SATB2: variants seen among roughly 807,000 people sequenced by gnomAD.
The protein encoded by SATB2 is DNA-binding protein SATB2.
Under a neutral mutation model 73.4 loss-of-function variants are expected in SATB2, and 1 was observed. The observed-to-expected ratio is 0.01, with a 90% CI of 0.00 to 0.06. The LOEUF (loss-of-function observed/expected upper bound fraction) is 0.06, where lower values mean the gene tolerates loss of function less well. Among genes scored for constraint, SATB2 ranks in the 10% least tolerant of loss-of-function variants. The pLI is 1.00. For missense variants in SATB2, 459 were observed against 945.8 expected (o/e 0.49, Z 6.75); for synonymous variants, 397 against 367.0 (o/e 1.08, Z -0.93).
At chr2:199,307,648 C>T (rs1687473126) in intron 10 of SATB2, among the ~76,000 whole-genome samples, 1 of 152,104 alleles carries the variant, frequency 6.6e-6, no homozygotes, top group Admixed American at 6.5e-5. Context: ...AATGATAACA[C>T]AAAAGCATAG....
chr2:199,368,482 G>A, intron 6 of SATB2, 123 bp downstream of exon 6: 1 of 692,742 alleles, frequency 1.4e-6, no homozygotes, highest in Non-Finnish European at 2.6e-6. Context: ...GAATATTAAA[G>A]ATCTCACCTT....
In SATB2 at chr2:199,328,734, C is replaced by T. The variant is rs145967906; in HGVS notation, c.1350G>A (p.Ser450=). Residue 450 remains serine (S), a synonymous_variant, in exon 8 of 11, where the codon TCG becomes TCA. Coordinates refer to ENST00000417098, the MANE Select transcript of SATB2 (RefSeq NM_001172509.2). Reference sequence around the variant, plus strand: ...GGGAGGAGCTGGGACTGCTGGAGGCCGAGGAGACCATGCTCACATTGGGAT... The same window carrying T: ...GGGAGGAGCTGGGACTGCTGGAGGCTGAGGAGACCATGCTCACATTGGGAT... ...SMNPNVSMVS[S]ASSSPSSSRT... is the part of the protein sequence containing the mutation. The T allele has an allele frequency of 3.1e-6, 5 of 1,613,326 alleles. No individual in the cohort carries two copies. Among genetic ancestry groups the T allele is most frequent in the East Asian group, 4.5e-5 (2 of 44,860 alleles).
At position 199,455,763 on chromosome 2, in the gene SATB2, T is replaced by G; in HGVS notation, c.169+106A>C. On this transcript the variant is annotated intron_variant, in intron 2 of 10. Transcript: ENST00000417098. This position sits in a 1 kb window ranked among gnomAD's most constrained non-coding sequence, Gnocchi z 4.1. ...CATTATTTGGCAACCTGGAATTCAC[T>G]TCCTGTAATCCTACACCGCGACAGC... 2.3e-6 allele frequency: 3 copies of G among 1,297,798 alleles called. No individual in the cohort carries two copies. The highest frequency in any genetic ancestry group is 3.2e-6 in the Non-Finnish European group (3 of 936,300). 80.4% of individuals were successfully genotyped at this position (1,297,798 alleles called of 1,614,324 possible). A position where few individuals can be genotyped will look rare whatever the true frequency, so the allele number is the denominator to read the frequency against.
At chr2:199,314,118 A>T (rs1264818089) in intron 9 of SATB2, among the ~76,000 whole-genome samples, 1 of 152,054 alleles carries the variant, frequency 6.6e-6, no homozygotes, top group Admixed American at 6.6e-5. Context: ...CAACTTGATC[A>T]TTATTATTTT....
chr2:199,314,129 T>A (rs1356405713), intron 9 of SATB2, among the ~76,000 whole-genome samples: 1 of 152,160 alleles, frequency 6.6e-6, no homozygotes, highest in Non-Finnish European at 1.5e-5. Context: ...TTATTATTTT[T>A]AGGGGTGGGT....
Position 199,349,028 on chromosome 2 carries a change from G to T in SATB2, c.846C>A (p.Ile282=), listed in dbSNP as rs373578751. The change falls in exon 7 of 11, where the codon ATC becomes ATA. Residue 282 remains isoleucine (I), a synonymous_variant. Coordinates refer to ENST00000417098, the MANE Select transcript of SATB2 (RefSeq NM_001172509.2). ...PHSQIHHSTP[I]RNQVPALQPI... The stretch of plus-strand genomic sequence containing the variant: ...GCTGTAATGCGGGCACTTGGTTTCG[G>T]ATTGGAGTACTGTGGTGAATTTGGC... 1.2e-6 allele frequency: 2 copies of T among 1,614,164 alleles called. No homozygotes were observed. Among genetic ancestry groups the T allele is most frequent in the Non-Finnish European group, 1.7e-6 (2 of 1,179,998 alleles).
At chr2:199,330,146 A>G (rs1011833) in intron 7 of SATB2, among the ~76,000 whole-genome samples, 19,391 of 152,190 alleles carry the variant, frequency 0.13, 1,464 homozygotes, top group South Asian at 0.32. Flanking sequence ...TGTGGCTTAA[A>G]TATGAAAAGG....
intron 5 of SATB2, 65 bp downstream of exon 5, chr2:199,380,298 AC>A: frequency 6.3e-7 from 1 of 1,594,298 alleles, no homozygotes; most frequent in East Asian, 2.2e-5. Flanking sequence ...AGCAGAAGGA[AC>A]CCCCTGATAG....
At position 199,348,824 on chromosome 2, in the gene SATB2, C is replaced by T. The variant is rs201439763; in HGVS notation, c.1050G>A (p.Lys350=). The change falls in exon 7 of 11, where the codon AAG becomes AAA. Residue 350 remains lysine (K), a synonymous_variant. Transcript: ENST00000417098. ...LNHPPIPRAV[K]PEPTNSSVEV... ...CCACGGAAGAGTTGGTTGGCTCTGG[C>T]TTAACTGCTCTGGGGATGGGTGGAT... is the stretch of plus-strand genomic sequence containing the variant. 3 of 1,613,906 alleles carry T rather than the reference C, an allele frequency of 1.9e-6. No homozygotes were observed. Among genetic ancestry groups the T allele is most frequent in the Non-Finnish European group, 2.5e-6 (3 of 1,179,828 alleles).
chr2:199,314,453 T>C (rs996666297), intron 9 of SATB2, among the ~76,000 whole-genome samples: 5 of 151,900 alleles, frequency 3.3e-5, no homozygotes, highest in African/African-American at 1.2e-4. Context: ...TGGTCCATTA[T>C]ATAAATTGCA....
At chr2:199,380,666 A>G (rs1689743385) in intron 4 of SATB2, among the ~76,000 whole-genome samples, 179 bp from the exon 5 acceptor site, 2 of 152,344 alleles carry the variant, frequency 1.3e-5, no homozygotes, top group Admixed American at 6.5e-5. Flanking sequence ...GCGAGGGCCC[A>G]AGGGGTCTCT....
intron 10 of SATB2, among the ~76,000 whole-genome samples, chr2:199,276,369 T>A (rs1183935531): frequency 6.6e-6 from 1 of 152,188 alleles, no homozygotes; most frequent in Admixed American, 6.5e-5. Flanking sequence ...TTTTGTTTTG[T>A]TTTGTTTTTT....
chr2:199,284,788 A>G (rs1021645631), intron 10 of SATB2, among the ~76,000 whole-genome samples: 2 of 152,130 alleles, frequency 1.3e-5, no homozygotes, highest in Non-Finnish European at 2.9e-5. Flanking sequence ...ATATTTAGAA[A>G]AAAAAAAGAA....
At chr2:199,456,438 C>T (rs1221887690) in intron 1 of SATB2, among the ~76,000 whole-genome samples, 1 of 152,220 alleles carries the variant, frequency 6.6e-6, no homozygotes, top group Admixed American at 6.5e-5. Flanking sequence ...CAGCCTAGCC[C>T]GTCCCGGGGT....
At position 199,464,133 on chromosome 2, in the gene SATB2, T is replaced by C. The variant is rs1359368730; in HGVS notation, c.-141+703A>G. Among the ~76,000 whole-genome samples the C allele has an allele frequency of 6.6e-6, 1 of 152,096 alleles. No individual in the cohort carries two copies. Among genetic ancestry groups the C allele is most frequent in the Non-Finnish European group, 1.5e-5 (1 of 68,012 alleles). On this transcript the variant is annotated intron_variant, in intron 1 of 11. Transcript: ENST00000260926. The surrounding 1 kb of genome is among the most constrained non-coding windows in gnomAD (Gnocchi z 6.6). ...GCTGGCGCCTCGCCTGTTTTCTCGG[T>C]ATCACGAATCCCCTCGGACACCGTT...
At chr2:199,414,684 G>A (rs937211226) in intron 3 of SATB2, among the ~76,000 whole-genome samples, 3 of 152,172 alleles carry the variant, frequency 2.0e-5, no homozygotes, top group African/African-American at 4.8e-5. Flanking sequence ...TCAAGACTCC[G>A]GTGCCAGCCT....
At chr2:199,318,284 C>G (rs1687790157) in intron 9 of SATB2, among the ~76,000 whole-genome samples, 1 of 151,990 alleles carries the variant, frequency 6.6e-6, no homozygotes, top group Non-Finnish European at 1.5e-5. Flanking sequence ...CCAGTAAAGG[C>G]ATCCTCAAAA....
rs567244528 is a variant in SATB2 at position 199,298,541 on chromosome 2, C to T, written c.1740+10219G>A. ...TTTTTAAGTAAGACAGTCCAAAATG[C>T]TTTAACAATGACTGTATTAGTATGT... On this transcript the variant is annotated intron_variant, in intron 10 of 10. Transcript: ENST00000417098. Among the ~76,000 whole-genome samples, 35 of 152,298 alleles carry T rather than the reference C, an allele frequency of 2.3e-4. 1 individual carries two copies. In the East Asian group the frequency reaches 6.7e-3, roughly 29 times the overall value.
intron 9 of SATB2, among the ~76,000 whole-genome samples, chr2:199,314,050 G>A (rs1029391290): frequency 1.3e-5 from 2 of 152,036 alleles, no homozygotes; most frequent in African/African-American, 2.4e-5. Context: ...CAGCTGATGT[G>A]GTCTCATTTG....
Sources: gnomAD v4.1 joint callset for allele counts (sites outside exome capture counted in the v4.1 genomes callset) on GRCh38, gnomAD v4.1.1 for gene constraint, Gnocchi (gnomAD v3.1) non-coding constraint, MANE v1.5 for transcripts, NCBI Gene and HGNC (gene_info 2026-07-23, HGNC 2026-07-21) for gene names.